Variants in KIN observed in about 807,000 individuals in gnomAD.
The protein encoded by KIN is Kin17 DNA and RNA binding protein.
KIN carries 47 observed loss-of-function variants against 63.0 expected under a neutral mutation model. The ratio of observed to expected loss-of-function variants is 0.75; its 90% CI spans 0.59 to 0.95. The LOEUF (loss-of-function observed/expected upper bound fraction) is 0.95. Among genes scored for constraint, KIN ranks in the 40% least tolerant of loss-of-function variants. The pLI, the probability that KIN is intolerant of heterozygous loss-of-function variation, is 0.00. For synonymous variants in KIN, 160 were observed against 157.7 expected (o/e 1.01, Z -0.11); for missense variants, 408 against 460.9 (o/e 0.89, Z 1.05).
At chr10:7,769,958 T>G (rs1034642742) in intron 7 of KIN, among the ~76,000 whole-genome samples, 2 of 152,010 alleles carry the variant, frequency 1.3e-5, no homozygotes, top group African/African-American at 4.8e-5. Flanking sequence ...TGAGATGGAG[T>G]CTCACTCTGT....
intron 2 of KIN, among the ~76,000 whole-genome samples, chr10:7,782,651 C>G (rs895957048): frequency 6.6e-6 from 1 of 152,116 alleles, no homozygotes; most frequent in Non-Finnish European, 1.5e-5. Flanking sequence ...CCCGCCTCAG[C>G]CTCCCAAAGT....
At chr10:7,766,215 A>G (rs1835540873) in intron 8 of KIN, 112 bp from the exon 9 acceptor site, 1 of 607,014 alleles carries the variant, frequency 1.6e-6, no homozygotes, top group African/African-American at 1.9e-5. Flanking sequence ...TCTACTTCAC[A>G]GAAGACCAAT....
At chr10:7,767,038 A>C (rs1206219215) in intron 8 of KIN, among the ~76,000 whole-genome samples, 5 of 116,248 alleles carry the variant, frequency 4.3e-5, no homozygotes, top group African/African-American at 1.5e-4. Flanking sequence ...AAAAAAAAAA[A>C]CCTCATTTTA....
chr10:7,758,505 A>G (rs1835375636), intron 12 of KIN, among the ~76,000 whole-genome samples: 1 of 152,222 alleles, frequency 6.6e-6, no homozygotes, highest in South Asian at 2.1e-4. Flanking sequence ...GTGAGAAATT[A>G]GTTTTTGATG....
intron 12 of KIN, among the ~76,000 whole-genome samples, chr10:7,759,370 G>C (rs1001674161): frequency 3.3e-5 from 5 of 152,034 alleles, no homozygotes; most frequent in African/African-American, 1.2e-4. Flanking sequence ...TTAAATTACT[G>C]TATTGATCTC....
Position 7,755,366 on chromosome 10 carries a change from T to C in KIN, c.*714A>G, listed in dbSNP as rs371929620. The C allele has an allele frequency of 1.2e-4, 19 of 152,276 alleles. 1 individual carries two copies. The highest frequency in any genetic ancestry group is 5.2e-4 in the Admixed American group (8 of 15,294). 9.4% of individuals were successfully genotyped at this position (152,276 alleles called of 1,614,324 possible). A position where few individuals can be genotyped will look rare whatever the true frequency, so the allele number is the denominator to read the frequency against. ...ACTGCATGGATAAACCTTGAAAACA[T>C]GATGCTAAGTGTAAGAAGCCAGTCA... On this transcript the variant is annotated 3_prime_UTR_variant, in exon 13 of 13. Transcript: ENST00000379562.
At chr10:7,786,358 G>T (rs560931496) in intron 1 of KIN, among the ~76,000 whole-genome samples, 17 of 152,286 alleles carry the variant, frequency 1.1e-4, no homozygotes, top group African/African-American at 3.8e-4. Context: ...AGTATTTAAA[G>T]GTGAAATATC....
intron 8 of KIN, among the ~76,000 whole-genome samples, chr10:7,767,892 C>T (rs375136952): frequency 6.7e-5 from 10 of 148,636 alleles, no homozygotes; most frequent in South Asian, 6.4e-4. Flanking sequence ...AAAGACTGGA[C>T]GGCATTTTCT....
In KIN at chr10:7,786,201, T is replaced by C. The variant is rs185872908; in HGVS notation, c.114+1619A>G. Among the ~76,000 whole-genome samples, 22 of 152,322 alleles carry C rather than the reference T, an allele frequency of 1.4e-4. No homozygotes were observed. The East Asian group carries it at 1.7e-3, about 12-fold the overall frequency. ...CAGTCTATTGCTTTTGATCGAATCT[T>C]GATTTCAAGGAGCAGTTGGAGGACA... On this transcript the variant is annotated intron_variant, in intron 1 of 12. Coordinates refer to ENST00000379562, the MANE Select transcript of KIN (RefSeq NM_012311.4).
intron 1 of KIN, among the ~76,000 whole-genome samples, chr10:7,786,240 G>C (rs565599460): frequency 6.6e-6 from 1 of 152,286 alleles, no homozygotes; most frequent in South Asian, 2.1e-4. Context: ...GAGGAAGTGT[G>C]AATGTGTATT....
At chr10:7,782,046 G>A (rs576883999) in intron 2 of KIN, among the ~76,000 whole-genome samples, 33 of 152,134 alleles carry the variant, frequency 2.2e-4, no homozygotes, top group African/African-American at 7.0e-4. Flanking sequence ...CAACAAGAGC[G>A]AAACTCCCGT....
chr10:7,784,112 A>G (rs1013313606), intron 1 of KIN, among the ~76,000 whole-genome samples: 2 of 152,224 alleles, frequency 1.3e-5, no homozygotes, highest in Non-Finnish European at 2.9e-5. Flanking sequence ...CTTTCCATAT[A>G]TTAAAAAATA....
intron 2 of KIN, 29 bp downstream of exon 2, chr10:7,783,052 T>C: frequency 8.3e-7 from 1 of 1,204,820 alleles, no homozygotes; most frequent in Non-Finnish European, 1.2e-6. Flanking sequence ...ATAAAGCCTA[T>C]AAGATAAAGA....
At chr10:7,768,406 G>A (rs1012078611) in intron 8 of KIN, among the ~76,000 whole-genome samples, 7 of 152,074 alleles carry the variant, frequency 4.6e-5, no homozygotes, top group Non-Finnish European at 4.4e-5. Context: ...TGCAATCCCA[G>A]CTACTCGGGG....
rs1317547677 is a variant in KIN at position 7,763,170 on chromosome 10, C to G, written c.918+553G>C. ...ACTCGGGAGGCTGAGGCAGGACAAT[C>G]ACTTGAACCTGGGAGGCGATGGTTG... On this transcript the variant is annotated intron_variant, in intron 10 of 12. Coordinates refer to ENST00000379562, the MANE Select transcript of KIN (RefSeq NM_012311.4). Among the ~76,000 whole-genome samples the G allele has an allele frequency of 2.0e-5, 3 of 152,120 alleles. No homozygotes were observed. The East Asian group carries it at 5.8e-4, about 29-fold the overall frequency.
intron 2 of KIN, 51 bp from the exon 3 acceptor site, chr10:7,780,358 C>G (rs769851069): frequency 2.8e-6 from 4 of 1,444,192 alleles, no homozygotes; most frequent in Non-Finnish European, 3.8e-6. Flanking sequence ...AAACATATAG[C>G]ATCATCTTTT....
intron 6 of KIN, 72 bp from the exon 7 acceptor site, chr10:7,774,963 T>C: frequency 9.0e-7 from 1 of 1,110,190 alleles, no homozygotes; most frequent in Non-Finnish European, 1.4e-6. Flanking sequence ...GATAAGATAC[T>C]ACAAAGTGTT....
intron 7 of KIN, among the ~76,000 whole-genome samples, chr10:7,772,348 T>C (rs1483919243): frequency 1.3e-5 from 2 of 152,116 alleles, no homozygotes; most frequent in Non-Finnish European, 2.9e-5. Context: ...GATATGAATA[T>C]GAGCAGAATG....
At chr10:7,766,285 T>C (rs1438586645) in intron 8 of KIN, 182 bp from the exon 9 acceptor site, 3 of 481,918 alleles carry the variant, frequency 6.2e-6, no homozygotes, top group African/African-American at 6.1e-5. Flanking sequence ...AGTTTTTGAT[T>C]TAAAAAAAAC....
Sources: allele counts gnomAD v4.1 joint callset (sites outside exome capture counted in the v4.1 genomes callset), GRCh38; gene constraint gnomAD v4.1.1; transcripts MANE v1.5; gene names NCBI Gene and HGNC (gene_info 2026-07-23, HGNC 2026-07-21).